NRG1: variants seen among roughly 807,000 people sequenced by gnomAD.
NRG1 encodes the protein pro-neuregulin-1, membrane-bound isoform.
Under a neutral mutation model 63.8 loss-of-function variants are expected in NRG1, and 18 were observed. The observed-to-expected ratio is 0.28, with a 90% CI of 0.19 to 0.42. The LOEUF (loss-of-function observed/expected upper bound fraction) is 0.42, where lower values mean the gene tolerates loss of function less well. NRG1 is among the 10% of genes least tolerant of loss of function. The pLI is 1.00. For synonymous variants in NRG1, 302 were observed against 301.3 expected (o/e 1.00, Z -0.02); for missense variants, 762 against 814.7 (o/e 0.94, Z 0.79).
intron 1 of NRG1, among the ~76,000 whole-genome samples, chr8:32,319,905 G>T (rs1487081146): frequency 6.6e-6 from 1 of 151,946 alleles, no homozygotes; most frequent in Non-Finnish European, 1.5e-5. Flanking sequence ...TAATACAAAG[G>T]AATACTCTCT....
At chr8:31,760,678 G>A (rs1202331314) in intron 1 of NRG1, among the ~76,000 whole-genome samples, 2 of 152,180 alleles carry the variant, frequency 1.3e-5, no homozygotes, top group Admixed American at 6.6e-5. Flanking sequence ...AGACATTTAT[G>A]CAGCCAAAAG....
chr8:32,338,475 G>A (rs1803624110), intron 1 of NRG1, among the ~76,000 whole-genome samples: 1 of 152,038 alleles, frequency 6.6e-6, no homozygotes, highest in African/African-American at 2.4e-5. Context: ...AGGCATTCAT[G>A]CTCATTGTGA....
At chr8:32,048,440 TAC>T (rs1383049605) in intron 1 of NRG1, among the ~76,000 whole-genome samples, 13 of 5,662 alleles carry the variant, frequency 2.3e-3, no homozygotes, top group African/African-American at 3.4e-3. Flanking sequence ...TACACATATA[TAC>T]ATACATATAT....
chr8:32,723,659 C>T (rs1821241463), intron 5 of NRG1, among the ~76,000 whole-genome samples: 1 of 126,388 alleles, frequency 7.9e-6, no homozygotes, highest in Non-Finnish European at 1.6e-5. Context: ...CACTGCACTC[C>T]AGCCTGGCAA....
chr8:32,539,251 T>C (rs1011816480), intron 1 of NRG1, among the ~76,000 whole-genome samples: 14 of 152,140 alleles, frequency 9.2e-5, no homozygotes, highest in Non-Finnish European at 5.9e-5. Flanking sequence ...CACGAAGGAA[T>C]GACAAGATAA....
chr8:31,908,277 C>G (rs1192514960), intron 1 of NRG1, among the ~76,000 whole-genome samples: 1 of 152,146 alleles, frequency 6.6e-6, no homozygotes, highest in Non-Finnish European at 1.5e-5. Context: ...GGAAAAGCAT[C>G]GATTTGTAAG....
chr8:32,541,660 G>C (rs928833148), intron 1 of NRG1, among the ~76,000 whole-genome samples: 1 of 152,114 alleles, frequency 6.6e-6, no homozygotes, highest in Non-Finnish European at 1.5e-5. Context: ...AGTGCCTTTT[G>C]AAAGGAAAGA....
chr8:32,116,077 G>A (rs945358753), intron 1 of NRG1, among the ~76,000 whole-genome samples: 5 of 152,078 alleles, frequency 3.3e-5, no homozygotes, highest in Admixed American at 6.6e-5. Flanking sequence ...AATGTATTCC[G>A]TTGTCCTAAA....
intron 7 of NRG1, among the ~76,000 whole-genome samples, chr8:32,747,732 G>GTGTGTATATATATATATATATA (rs1264111970): frequency 2.3e-5 from 3 of 132,120 alleles, no homozygotes; most frequent in African/African-American, 8.9e-5. Flanking sequence ...ATGTGTGTGT[G>GTGTGTATATATATATATATATA]TATATATATA....
chr8:32,057,712 G>A (rs1377366460), intron 1 of NRG1, among the ~76,000 whole-genome samples: 1 of 152,108 alleles, frequency 6.6e-6, no homozygotes, highest in Non-Finnish European at 1.5e-5. Flanking sequence ...CTTTTCCTGT[G>A]TAAGTATAAG....
intron 5 of NRG1, among the ~76,000 whole-genome samples, chr8:32,664,433 G>A (rs548041307): frequency 3.8e-4 from 58 of 152,224 alleles, no homozygotes; most frequent in African/African-American, 1.3e-3. Context: ...TCAGGTGGGA[G>A]TAAAGGCCCA....
intron 1 of NRG1, among the ~76,000 whole-genome samples, chr8:32,373,931 G>C (rs1809276710): frequency 6.6e-6 from 1 of 152,114 alleles, no homozygotes; most frequent in Non-Finnish European, 1.5e-5. Context: ...ACTGCATGTG[G>C]ACAAGAAGAC....
chr8:31,867,656 A>G (rs933763947), intron 1 of NRG1, among the ~76,000 whole-genome samples: 1 of 152,162 alleles, frequency 6.6e-6, no homozygotes, highest in Admixed American at 6.6e-5. Context: ...ATCACCAAAT[A>G]TTAGCTGTTC....
intron 1 of NRG1, among the ~76,000 whole-genome samples, chr8:32,531,773 T>G (rs2129517975): frequency 6.6e-6 from 1 of 152,292 alleles, no homozygotes; most frequent in East Asian, 1.9e-4. Context: ...AAAATAATAC[T>G]TCTACCTCAT....
intron 1 of NRG1, among the ~76,000 whole-genome samples, chr8:31,718,103 C>T (rs1812541734): frequency 6.6e-6 from 1 of 152,010 alleles, no homozygotes. Flanking sequence ...ATATTTGTTG[C>T]TGAGGATCAT....
At chr8:32,748,387 A>G (rs2129046897) in intron 7 of NRG1, among the ~76,000 whole-genome samples, 1 of 151,942 alleles carries the variant, frequency 6.6e-6, no homozygotes, top group Non-Finnish European at 1.5e-5. Flanking sequence ...AGAGAGAGAG[A>G]GAGAGAGAGA....
intron 1 of NRG1, among the ~76,000 whole-genome samples, chr8:32,026,582 A>G (rs1239773101): frequency 6.6e-6 from 1 of 152,166 alleles, no homozygotes; most frequent in Admixed American, 6.5e-5. Context: ...ACAAATCTGA[A>G]ATAAAATTAA....
intron 5 of NRG1, among the ~76,000 whole-genome samples, chr8:32,625,170 A>G (rs562861548): frequency 1.3e-5 from 2 of 152,330 alleles, no homozygotes; most frequent in South Asian, 4.1e-4. Flanking sequence ...ACAAGCTGTG[A>G]ATACTTAATT....
At chr8:32,600,181 G>A (rs1039650946) in intron 2 of NRG1, among the ~76,000 whole-genome samples, 1 of 152,048 alleles carries the variant, frequency 6.6e-6, no homozygotes, top group African/African-American at 2.4e-5. Context: ...TGCTACTGAG[G>A]ATCTCTTGAG....
Sources: gnomAD v4.1 joint callset for allele counts (sites outside exome capture counted in the v4.1 genomes callset) on GRCh38, gnomAD v4.1.1 for gene constraint, MANE v1.5 for transcripts, NCBI Gene and HGNC (gene_info 2026-07-23, HGNC 2026-07-21) for gene names.